Variants in SNX6 observed in about 807,000 individuals in gnomAD.
The protein encoded by SNX6 is sorting nexin 6.
A neutral mutation model predicts 63.0 loss-of-function variants in SNX6; 34 were observed. The observed-to-expected ratio is 0.54, with a 90% CI of 0.41 to 0.72. The LOEUF is 0.72. SNX6 is among the 30% of genes least tolerant of loss of function. SNX6 has a pLI of 0.00. For synonymous variants in SNX6, 170 were observed against 164.2 expected, an observed-to-expected ratio of 1.04 and a Z score of -0.27; for missense variants, 398 against 471.4, an observed-to-expected ratio of 0.84 and a Z score of 1.44.
At chr14:34,604,146 C>G (rs1261153203) in intron 5 of SNX6, 8 of 1,277,866 alleles carry the variant, frequency 6.3e-6, no homozygotes, top group Non-Finnish European at 8.1e-6. Context: ...AGCAAACCAG[C>G]AGGACCAATG....
chr14:34,570,447 A>G (rs1382167732), intron 11 of SNX6, among the ~76,000 whole-genome samples: 32 of 146,228 alleles, frequency 2.2e-4, no homozygotes, highest in Middle Eastern at 3.9e-3. Flanking sequence ...CCTGAGACTG[A>G]GTCGTGCTCT....
Position 34,630,127 on chromosome 14 carries a change from A to C in SNX6, c.-11T>G, listed in dbSNP as rs1883990974. 1.5e-6 allele frequency: 2 copies of C among 1,341,458 alleles called. No individual in the cohort carries two copies. The highest frequency in any genetic ancestry group is 1.9e-5 in the South Asian group (1 of 52,112). The allele number at this position is 1,341,458 out of a possible 1,614,324, so 83.1% of individuals were successfully genotyped here. On this transcript the variant is annotated 5_prime_UTR_variant, in exon 1 of 14. Coordinates refer to ENST00000362031, the MANE Select transcript of SNX6 (RefSeq NM_152233.4). ...AACACCCACCATCATGGCTGCTCCGAGGCGAGGGCCGGCGCAGGCGCGCAT... is the reference window on the plus strand; with the variant it reads ...AACACCCACCATCATGGCTGCTCCGCGGCGAGGGCCGGCGCAGGCGCGCAT...
At chr14:34,581,479 T>C in intron 10 of SNX6, 82 bp downstream of exon 10, 1 of 819,592 alleles carries the variant, frequency 1.2e-6, no homozygotes, top group Non-Finnish European at 1.9e-6. Flanking sequence ...AAAAAAATTT[T>C]CTGAATTGTG....
intron 3 of SNX6, among the ~76,000 whole-genome samples, chr14:34,608,344 G>A (rs1228605708): frequency 2.0e-5 from 3 of 152,020 alleles, no homozygotes; most frequent in South Asian, 2.1e-4. Context: ...TTTATTTTTT[G>A]TAAAGATGAG....
chr14:34,601,398 G>A (rs1594731208), intron 6 of SNX6, among the ~76,000 whole-genome samples: 1 of 151,762 alleles, frequency 6.6e-6, no homozygotes, highest in South Asian at 2.1e-4. Flanking sequence ...GCTAATTTTT[G>A]TATTTTAAGT....
intron 3 of SNX6, among the ~76,000 whole-genome samples, chr14:34,609,368 C>T (rs1460902862): frequency 1.3e-5 from 2 of 150,220 alleles, no homozygotes; most frequent in South Asian, 4.2e-4. Context: ...GTAGTCCCAG[C>T]TACTCTGGAG....
chr14:34,629,807 G>A, intron 2 of SNX6, 100 bp downstream of exon 2: 1 of 1,504,090 alleles, frequency 6.6e-7, no homozygotes, highest in Non-Finnish European at 8.9e-7. Flanking sequence ...CGGGGAGGGA[G>A]TGCCGCGCGG....
intron 8 of SNX6, among the ~76,000 whole-genome samples, chr14:34,590,116 C>A (rs1477145590): frequency 6.6e-6 from 1 of 151,548 alleles, no homozygotes; most frequent in African/African-American, 2.4e-5. Context: ...ACAACAACAA[C>A]AAAAAACAAC....
intron 10 of SNX6, among the ~76,000 whole-genome samples, chr14:34,578,598 C>T (rs1234189685): frequency 1.4e-5 from 2 of 144,944 alleles, no homozygotes; most frequent in African/African-American, 5.2e-5. Flanking sequence ...CCACTGCATT[C>T]CAGCCTGGGT....
chr14:34,610,531 T>C (rs1482470383), intron 2 of SNX6, among the ~76,000 whole-genome samples: 4 of 152,144 alleles, frequency 2.6e-5, no homozygotes, highest in Non-Finnish European at 4.4e-5. Context: ...TTCAGGAATA[T>C]ACAATGAAAC....
intron 2 of SNX6, among the ~76,000 whole-genome samples, chr14:34,628,863 T>C (rs915844665): frequency 6.6e-6 from 1 of 152,104 alleles, no homozygotes; most frequent in African/African-American, 2.4e-5. Context: ...AATTATCATA[T>C]ATCAACATTT....
At position 34,586,260 on chromosome 14, in the gene SNX6, AAAGCATAT is replaced by A; in HGVS notation, c.756_763del (p.Leu252PhefsTer22). ...TATATCTGTAGAATCCTGAGTTCCTAAAGCATATAATGAAGAACCAATTCTATTGTAAT... is the reference window on the plus strand; with the variant it reads ...TATATCTGTAGAATCCTGAGTTCCTAAATGAAGAACCAATTCTATTGTAAT... On this transcript the variant is annotated frameshift_variant, in exon 9 of 14. Transcript: ENST00000362031. LOFTEE classifies it high-confidence loss of function. 1 of 1,609,056 alleles carries A rather than the reference AAAGCATAT, an allele frequency of 6.2e-7. No individual in the cohort carries two copies. The highest frequency in any genetic ancestry group is 8.5e-7 in the Non-Finnish European group (1 of 1,175,782).
chr14:34,609,542 C>A (rs1883146587), intron 3 of SNX6, 96 bp downstream of exon 3: 169 of 359,130 alleles, frequency 4.7e-4, no homozygotes, highest in Middle Eastern at 9.2e-4. Flanking sequence ...AAAATAGTTT[C>A]TTTCCAATTA....
intron 8 of SNX6, among the ~76,000 whole-genome samples, chr14:34,590,005 A>G (rs1882327404): frequency 6.6e-6 from 1 of 152,170 alleles, no homozygotes; most frequent in African/African-American, 2.4e-5. Context: ...CTGTGGTCCC[A>G]GCTACTTGGC....
intron 11 of SNX6, chr14:34,569,202 G>T (rs779673925): frequency 4.4e-6 from 3 of 674,880 alleles, no homozygotes; most frequent in Non-Finnish European, 8.1e-6. Flanking sequence ...CAGCTTGATA[G>T]TCCATGTACC....
intron 11 of SNX6, chr14:34,568,680 T>C (rs768949580): frequency 8.9e-6 from 8 of 898,378 alleles, no homozygotes; most frequent in Non-Finnish European, 1.3e-5. Flanking sequence ...TAACCCAGCA[T>C]GGTTTGTTCT....
rs758463387 is a variant in SNX6, at chr14:34,611,506, G to A, written c.55-1764C>T. Among the ~76,000 whole-genome samples the A allele has an allele frequency of 4.6e-5, 7 of 151,164 alleles. No homozygotes were observed. In the South Asian group the frequency reaches 8.3e-4, roughly 18 times the overall value. ...AGAAAAAAAAAAAGGGGGGGAGGCC[G>A]GGTGTGGTGGCTCACACCTATAATC... On this transcript the variant is annotated intron_variant, in intron 2 of 13. Coordinates refer to ENST00000362031, the MANE Select transcript of SNX6 (RefSeq NM_152233.4).
chr14:34,573,331 T>C (rs892048557), intron 11 of SNX6, among the ~76,000 whole-genome samples: 4 of 152,012 alleles, frequency 2.6e-5, no homozygotes, highest in African/African-American at 4.8e-5. Context: ...TCCTAGCACA[T>C]TGGGAGGCTG....
chr14:34,619,727 C>T (rs1157669606), intron 2 of SNX6, among the ~76,000 whole-genome samples: 1 of 152,046 alleles, frequency 6.6e-6, no homozygotes, highest in African/African-American at 2.4e-5. Context: ...GTCCTGTGAC[C>T]TTTCCATTTA....
Sources: gnomAD v4.1 joint callset for allele counts (sites outside exome capture counted in the v4.1 genomes callset) on GRCh38, gnomAD v4.1.1 for gene constraint, MANE v1.5 for transcripts, NCBI Gene and HGNC (gene_info 2026-07-23, HGNC 2026-07-21) for gene names.